Variants in ABCG2 observed in about 807,000 individuals in gnomAD.
ABCG2 encodes ATP binding cassette subfamily G member 2 (JR blood group).
ABCG2 carries 80 observed loss-of-function variants against 73.5 expected under a neutral mutation model. That is an observed-to-expected ratio of 1.09 (90% CI 0.91 to 1.31). The LOEUF (loss-of-function observed/expected upper bound fraction) is 1.31, where lower values mean the gene tolerates loss of function less well. ABCG2 is among the 50% of genes most tolerant of loss of function. The pLI, the probability that ABCG2 is intolerant of heterozygous loss-of-function variation, is 0.00. For synonymous variants in ABCG2, 269 were observed against 282.4 expected, an observed-to-expected ratio of 0.95 and a Z score of 0.48; for missense variants, 796 against 786.2, an observed-to-expected ratio of 1.01 and a Z score of -0.15.
intron 1 of ABCG2, among the ~76,000 whole-genome samples, chr4:88,192,181 A>C (rs1728716613): frequency 2.3e-5 from 1 of 42,806 alleles, no homozygotes; most frequent in South Asian, 1.9e-3. Flanking sequence ...ACTCTGTGTC[A>C]AGAAAAAAAA....
chr4:88,181,362 T>A (rs1233341114), intron 1 of ABCG2, among the ~76,000 whole-genome samples: 3 of 134,052 alleles, frequency 2.2e-5, no homozygotes, highest in African/African-American at 8.9e-5. Flanking sequence ...ACCGTGCCAC[T>A]GCACTCCAGC....
At chr4:88,177,098 C>T (rs1485550806) in intron 1 of ABCG2, among the ~76,000 whole-genome samples, 1 of 152,126 alleles carries the variant, frequency 6.6e-6, no homozygotes. Flanking sequence ...AATGGCCGGG[C>T]GCAGTGGCTC....
chr4:88,187,658 T>A (rs1214195786), intron 1 of ABCG2, among the ~76,000 whole-genome samples: 1 of 152,180 alleles, frequency 6.6e-6, no homozygotes, highest in Non-Finnish European at 1.5e-5. Flanking sequence ...GATGGATATC[T>A]CATTTATCCT....
chr4:88,222,711 C>A (rs1449946867), intron 1 of ABCG2, among the ~76,000 whole-genome samples: 1 of 152,242 alleles, frequency 6.6e-6, no homozygotes, highest in Non-Finnish European at 1.5e-5. Context: ...GGAGCCCCCA[C>A]ACAGAGTCCC....
At chr4:88,107,353 G>T in intron 9 of ABCG2, 87 bp from the exon 10 acceptor site, 1 of 899,044 alleles carries the variant, frequency 1.1e-6, no homozygotes, top group Non-Finnish European at 1.7e-6. Context: ...TATAATATAT[G>T]GTTACATAAT....
intron 10 of ABCG2, among the ~76,000 whole-genome samples, chr4:88,105,851 AAAAC>A (rs1243018721): frequency 2.0e-5 from 3 of 152,344 alleles, no homozygotes; most frequent in Non-Finnish European, 2.9e-5. Flanking sequence ...CAACAACAAA[AAAAC>A]AAACAATTCA....
chr4:88,161,237 T>A (rs1727290244), upstream of ABCG2, among the ~76,000 whole-genome samples: 1 of 132,734 alleles, frequency 7.5e-6, no homozygotes, highest in Non-Finnish European at 1.6e-5. Context: ...TAGTTACATA[T>A]GTATACATGT....
chr4:88,213,004 T>A (rs985491445), intron 1 of ABCG2, among the ~76,000 whole-genome samples: 6 of 152,170 alleles, frequency 3.9e-5, no homozygotes, highest in Non-Finnish European at 8.8e-5. Context: ...GGGGCCCAAA[T>A]GATCTTCCCA....
intron 13 of ABCG2, among the ~76,000 whole-genome samples, chr4:88,096,677 C>T (rs1218921900): frequency 6.6e-6 from 1 of 151,862 alleles, no homozygotes; most frequent in Non-Finnish European, 1.5e-5. Flanking sequence ...AAAAATGTAA[C>T]TGGTTTCATT....
chr4:88,186,446 A>G (rs1728457488), intron 1 of ABCG2, among the ~76,000 whole-genome samples: 2 of 152,116 alleles, frequency 1.3e-5, no homozygotes, highest in African/African-American at 2.4e-5. Context: ...CAGCCTGGGC[A>G]ACATAGTGAG....
At chr4:88,096,661 G>A (rs1722005432) in intron 13 of ABCG2, among the ~76,000 whole-genome samples, 1 of 151,746 alleles carries the variant, frequency 6.6e-6, no homozygotes, top group South Asian at 2.1e-4. Context: ...TGATGTTGAA[G>A]GGGAAAAAAA....
At chr4:88,097,735 C>T (rs1722084713) in intron 12 of ABCG2, 128 bp from the exon 13 acceptor site, 2 of 984,544 alleles carry the variant, frequency 2.0e-6, no homozygotes, top group East Asian at 2.6e-5. Context: ...AAGTCATCCA[C>T]TCTCCAACCA....
chr4:88,219,964 C>G (rs1193333536), intron 1 of ABCG2, among the ~76,000 whole-genome samples: 1 of 152,050 alleles, frequency 6.6e-6, no homozygotes, highest in Admixed American at 6.6e-5. Flanking sequence ...CTTTCATCTT[C>G]CAAACTGAAA....
chr4:88,102,008 C>A (rs935013714), intron 10 of ABCG2, among the ~76,000 whole-genome samples: 1 of 152,186 alleles, frequency 6.6e-6, no homozygotes, highest in African/African-American at 2.4e-5. Flanking sequence ...CAATTAGCCA[C>A]TTTGATTTTA....
chr4:88,218,475 G>C (rs1729892721), intron 1 of ABCG2, among the ~76,000 whole-genome samples: 1 of 152,034 alleles, frequency 6.6e-6, no homozygotes, highest in African/African-American at 2.4e-5. Flanking sequence ...TAAGATTTGG[G>C]GAACAGGTGG....
upstream of ABCG2, chr4:88,159,407 G>C (rs548524990): frequency 5.8e-6 from 2 of 346,556 alleles, no homozygotes; most frequent in African/African-American, 4.3e-5. Context: ...TCTAACCCAA[G>C]GAAGGAAAGG....
At chr4:88,132,705 C>T (rs1578211472) in intron 2 of ABCG2, 70 bp from the exon 3 acceptor site, 3 of 1,487,644 alleles carry the variant, frequency 2.0e-6, no homozygotes, top group African/African-American at 1.4e-5. Flanking sequence ...AGGGTAGGCA[C>T]TGAATATACT....
intron 1 of ABCG2, among the ~76,000 whole-genome samples, chr4:88,141,478 A>C (rs947220499): frequency 3.9e-5 from 6 of 152,154 alleles, no homozygotes; most frequent in African/African-American, 1.4e-4. Context: ...TAGGGAGACA[A>C]AATTTTGTTG....
At chr4:88,176,619 C>CA (rs761134236) in intron 1 of ABCG2, among the ~76,000 whole-genome samples, 4 of 149,054 alleles carry the variant, frequency 2.7e-5, no homozygotes, top group Admixed American at 6.7e-5. Context: ...TAGCTGGGAC[C>CA]ATAGGCACAT....
Sources: allele counts gnomAD v4.1 joint callset (sites outside exome capture counted in the v4.1 genomes callset), GRCh38; gene constraint gnomAD v4.1.1; transcripts MANE v1.5; gene names NCBI Gene and HGNC (gene_info 2026-07-23, HGNC 2026-07-21).